TYMP: variants seen among roughly 807,000 people sequenced by gnomAD.
TYMP encodes the protein gliostatin.
A neutral mutation model predicts 42.3 loss-of-function variants in TYMP; 46 were observed. That is an observed-to-expected ratio of 1.09 (90% CI 0.86 to 1.39). TYMP has a LOEUF of 1.39. Ranked by LOEUF, TYMP falls within the 40% of genes most tolerant of loss-of-function variation. The pLI is 0.00. For missense variants in TYMP, 837 were observed against 677.6 expected, an observed-to-expected ratio of 1.24 and a Z score of -2.61; for synonymous variants, 363 against 308.0, an observed-to-expected ratio of 1.18 and a Z score of -1.87.
chr22:50,529,477 C>T lies in TYMP; in HGVS notation c.214+19G>A, dbSNP rs747423461. 1.2e-6 allele frequency: 2 copies of T among 1,611,530 alleles called. No homozygotes were observed. Among genetic ancestry groups the T allele is most frequent in the Non-Finnish European group, 1.7e-6 (2 of 1,179,704 alleles). ...GACCTCCCAGTCGGGGTCAGGAACG[C>T]CCAACCCTCCCCACGCACCGATCTG... is the stretch of plus-strand genomic sequence containing the variant. On this transcript the variant is annotated intron_variant, in intron 2 of 9. Transcript: ENST00000252029.
intron 5 of TYMP, 106 bp from the exon 6 acceptor site, chr22:50,527,389 A>T (rs767236199): frequency 8.0e-7 from 1 of 1,251,854 alleles, no homozygotes; most frequent in South Asian, 1.2e-5. Flanking sequence ...ATTGAGGGTC[A>T]AGTCCCTTAT....
chr22:50,526,047 C>T lies in TYMP; in HGVS notation c.1254G>A (p.Gly418=), dbSNP rs1169439066. The T allele has an allele frequency of 8.8e-6, 13 of 1,482,022 alleles. No individual in the cohort carries two copies. The highest frequency in any genetic ancestry group is 9.8e-6 in the Non-Finnish European group (11 of 1,123,948). The allele number at this position is 1,482,022 out of a possible 1,614,324, so 91.8% of individuals were successfully genotyped here. A position where few individuals can be genotyped will look rare whatever the true frequency, so the allele number is the denominator to read the frequency against. ...RSRAGEPLRL[G]VGAELLVDVG... ...CGTCGACCAGCAGCTCTGCGCCCAC[C>T]CCCAGGCGGAGCGGCTCCCCAGCGC... The change falls in exon 9 of 10, where the codon GGG becomes GGA. Residue 418 remains glycine (G), a synonymous_variant. Coordinates refer to ENST00000252029, the MANE Select transcript of TYMP (RefSeq NM_001953.5).
chr22:50,528,369 C>A, intron 4 of TYMP, 143 bp downstream of exon 4: 1 of 759,846 alleles, frequency 1.3e-6, no homozygotes, highest in Non-Finnish European at 2.3e-6. Context: ...CTGATGATTT[C>A]GGCCCAGGCC....
rs765007158 is a variant in TYMP at position 50,526,278 on chromosome 22, C to G, written c.1127G>C (p.Arg376Pro). The change falls in exon 8 of 10, where the codon CGG becomes CCG. Residue 376 changes from arginine to proline, a missense_variant. By Grantham distance (103) the Arg-to-Pro change is moderately radical (BLOSUM62 -2). Coordinates refer to ENST00000252029, the MANE Select transcript of TYMP (RefSeq NM_001953.5). ...GGGCGCCAGCAGCTCCTCCTGCTCC[C>G]GGGCGCGAGGCAGCAGCTGCCGGCG... Reference protein sequence around the residue: ...AERRQLLPRAREQEELLAPAD... With the variant: ...AERRQLLPRAPEQEELLAPAD... 1 of 1,545,102 alleles carries G rather than the reference C, an allele frequency of 6.5e-7. No individual in the cohort carries two copies. The highest frequency in any genetic ancestry group is 8.7e-7 in the Non-Finnish European group (1 of 1,156,066).
rs2069336743 is a variant in TYMP, at chr22:50,525,895, G to A, written c.1324C>T (p.Arg442Trp). 3.2e-6 allele frequency: 5 copies of A among 1,563,988 alleles called. No homozygotes were observed. The highest frequency in any genetic ancestry group is 4.3e-6 in the Non-Finnish European group (5 of 1,156,824). Residue 442 changes from arginine (R) to tryptophan (W), a missense_variant, in exon 10 of 10, where the codon CGG becomes TGG. By Grantham distance (101) the Arg-to-Trp change is moderately radical. Transcript: ENST00000252029. The part of the protein sequence containing the change: ...RRGTPWLRVH[R>W]DGPALSGPQS... ...GGGCCGCTGAGCGCGGGGCCGTCCCGGTGCACGCGGAGCCAGGGGGTCCCT... is the reference window on the plus strand; with the variant it reads ...GGGCCGCTGAGCGCGGGGCCGTCCCAGTGCACGCGGAGCCAGGGGGTCCCT...
chr22:50,525,935 T>C lies in TYMP; in HGVS notation c.1301-17A>G. The C allele has an allele frequency of 2.1e-6, 3 of 1,440,126 alleles. No individual in the cohort carries two copies. The highest frequency in any genetic ancestry group is 2.7e-6 in the Non-Finnish European group (3 of 1,103,126). The allele number at this position is 1,440,126 out of a possible 1,614,324, so 89.2% of individuals were successfully genotyped here. ...AGGGGGTCCCTGCAGAGCGAGGGGC[T>C]GTTAGAGGCCGCGCGGCCGGAGCTG... is the stretch of plus-strand genomic sequence containing the variant. On this transcript the variant is annotated splice_polypyrimidine_tract_variant and intron_variant, in intron 9 of 9. Coordinates refer to ENST00000252029, the MANE Select transcript of TYMP (RefSeq NM_001953.5).
chr22:50,526,767 C>T (rs1165882750), intron 6 of TYMP, 29 bp from the exon 7 acceptor site: 3 of 1,530,668 alleles, frequency 2.0e-6, no homozygotes, highest in Non-Finnish European at 2.6e-6. Flanking sequence ...GCGTGGACCC[C>T]CCATGGCGGG....
rs2069492931 is a variant in TYMP at position 50,529,030 on chromosome 22, G to A, written c.417+106C>T. 2.8e-5 allele frequency: 33 copies of A among 1,178,174 alleles called. No homozygotes were observed. In the South Asian group the frequency reaches 3.4e-4, roughly 12 times the overall value. The allele number at this position is 1,178,174 out of a possible 1,614,324, so 73.0% of individuals were successfully genotyped here. A position where few individuals can be genotyped will look rare whatever the true frequency, so the allele number is the denominator to read the frequency against. On this transcript the variant is annotated intron_variant, in intron 3 of 9. Coordinates refer to ENST00000252029, the MANE Select transcript of TYMP (RefSeq NM_001953.5). Reference sequence around the variant, plus strand: ...CAGGGTGGGGAGAAGCCTTGGTAGGGTCTTGGAGGCTTTGGGCCAGGCTTG... The same window carrying A: ...CAGGGTGGGGAGAAGCCTTGGTAGGATCTTGGAGGCTTTGGGCCAGGCTTG...
At position 50,526,133 on chromosome 22, in the gene TYMP, C is replaced by T. The variant is rs1339523924; in HGVS notation, c.1168G>A (p.Glu390Lys). Residue 390 changes from glutamate (E) to lysine (K), a missense_variant, in exon 9 of 10, where the codon GAG (glutamate) becomes AAG (lysine). By Grantham distance (56) the Glu-to-Lys change is moderately conservative. Transcript: ENST00000252029. Reference protein sequence around the residue: ...ELLAPADGTVELVRALPLALV... With the variant: ...ELLAPADGTVKLVRALPLALV... ...GCCAGCGGCAGCGCCCGGACCAGCT[C>T]CACGGTGCCTGCGGGGAGAGGGGCT... 6 of 1,488,106 alleles carry T rather than the reference C, an allele frequency of 4.0e-6. No individual in the cohort carries two copies. Among genetic ancestry groups the T allele is most frequent in the South Asian group, 2.5e-5 (2 of 78,556 alleles). 92.2% of individuals were successfully genotyped at this position (1,488,106 alleles called of 1,614,324 possible). A position where few individuals can be genotyped will look rare whatever the true frequency, so the allele number is the denominator to read the frequency against.
intron 5 of TYMP, 150 bp downstream of exon 5, chr22:50,527,438 C>T (rs1437662740): frequency 2.9e-6 from 4 of 1,360,958 alleles, no homozygotes; most frequent in South Asian, 2.3e-5. Context: ...AGTATCAGGC[C>T]ACCCCACATG....
rs187891307 is a variant in TYMP at position 50,528,075 on chromosome 22, C to T, written c.517-358G>A. ...TGCCCAGGCTGGAGTGCAGTGGCAT[C>T]GTCCCGGCTCACTGCAGCCTAGACC... On this transcript the variant is annotated intron_variant, in intron 4 of 9. Coordinates refer to ENST00000252029, the MANE Select transcript of TYMP (RefSeq NM_001953.5). 1,012 of 392,926 alleles carry T rather than the reference C, an allele frequency of 2.6e-3. 1 individual carries two copies. The highest frequency in any genetic ancestry group is 3.7e-3 in the Non-Finnish European group (780 of 208,616). 24.3% of individuals were successfully genotyped at this position (392,926 alleles called of 1,614,324 possible).
chr22:50,528,037 G>A (rs1305459287), intron 4 of TYMP: 14 of 388,916 alleles, frequency 3.6e-5, no homozygotes, highest in Non-Finnish European at 6.2e-5. Context: ...GCTGGGACAG[G>A]GTCTCACTCT....
At chr22:50,527,035 C>A in intron 6 of TYMP, 130 bp downstream of exon 6, 2 of 824,050 alleles carry the variant, frequency 2.4e-6, no homozygotes, top group Non-Finnish European at 4.1e-6. Flanking sequence ...GGAGGGACTT[C>A]GGGCAGAAGA....
At position 50,526,249 on chromosome 22, in the gene TYMP, C is replaced by T. The variant is rs773626895; in HGVS notation, c.1156G>A (p.Asp386Asn). 15 of 1,533,908 alleles carry T rather than the reference C, an allele frequency of 9.8e-6. No homozygotes were observed. In the East Asian group the frequency reaches 1.8e-4, roughly 18 times the overall value. ...REQEELLAPA[D>N]GTVELVRALP... ...CGGGGACTCCCCCGACGCTCACCAT[C>T]TGCGGGCGCCAGCAGCTCCTCCTGC... The change falls in exon 8 of 10, where the codon GAT becomes AAT. Residue 386 changes from aspartate to asparagine, a missense_variant. Physicochemically the swap from Asp to Asn is conservative, Grantham distance 23. Coordinates refer to ENST00000252029, the MANE Select transcript of TYMP (RefSeq NM_001953.5).
intron 4 of TYMP, 146 bp downstream of exon 4, chr22:50,528,366 T>C (rs1037458569): frequency 1.3e-6 from 1 of 757,280 alleles, no homozygotes; most frequent in African/African-American, 1.7e-5. Flanking sequence ...CCACTGATGA[T>C]TTCGGCCCAG....
chr22:50,527,127 A>G lies in TYMP; in HGVS notation c.765+38T>C, dbSNP rs371392342. On this transcript the variant is annotated intron_variant, in intron 6 of 9. Coordinates refer to ENST00000252029, the MANE Select transcript of TYMP (RefSeq NM_001953.5). ...GGGGTGAAGGGTAGGCTGGGCCCGC[A>G]TCAAGACGCTTGCCCAGGGAAAGGC... 18 of 1,537,302 alleles carry G rather than the reference A, an allele frequency of 1.2e-5. No individual in the cohort carries two copies. In the African/African-American group the frequency reaches 2.5e-4, roughly 21 times the overall value.
intron 2 of TYMP, 43 bp downstream of exon 2, chr22:50,529,453 A>G: frequency 6.2e-7 from 1 of 1,609,206 alleles, no homozygotes; most frequent in Non-Finnish European, 8.5e-7. Context: ...TCTCGGGCTG[A>G]CCTCCCAGTC....
At position 50,526,228 on chromosome 22, in the gene TYMP, G is replaced by A; in HGVS notation, c.1159+18C>T. 1 of 1,521,066 alleles carries A rather than the reference G, an allele frequency of 6.6e-7. No individual in the cohort carries two copies. Among genetic ancestry groups the A allele is most frequent in the Non-Finnish European group, 8.8e-7 (1 of 1,142,084 alleles). The allele number at this position is 1,521,066 out of a possible 1,614,324, so 94.2% of individuals were successfully genotyped here. On this transcript the variant is annotated intron_variant, in intron 8 of 9. Coordinates refer to ENST00000252029, the MANE Select transcript of TYMP (RefSeq NM_001953.5). ...GGGATGGCGGAGGCGGAAGGACGGGGACTCCCCCGACGCTCACCATCTGCG... is the reference window on the plus strand; with the variant it reads ...GGGATGGCGGAGGCGGAAGGACGGGAACTCCCCCGACGCTCACCATCTGCG...
At chr22:50,529,786 C>T (rs2069526137) in intron 1 of TYMP, 67 bp from the exon 2 acceptor site, 1 of 1,358,600 alleles carries the variant, frequency 7.4e-7, no homozygotes, top group Non-Finnish European at 1.0e-6. Context: ...CCACGTGCTC[C>T]TGTCCCGACC....
Sources: gnomAD v4.1 joint callset for allele counts on GRCh38, gnomAD v4.1.1 for gene constraint, MANE v1.5 for transcripts, NCBI Gene and HGNC (gene_info 2026-07-23, HGNC 2026-07-21) for gene names.